Variants in CAST observed in about 807,000 individuals in gnomAD.
CAST encodes the protein MIR583 host.
CAST carries 76 observed loss-of-function variants against 119.6 expected under a neutral mutation model. That is an observed-to-expected ratio of 0.64 (90% CI 0.53 to 0.77). The LOEUF is 0.77. CAST is among the 30% of genes least tolerant of loss of function. The pLI is 0.00. For missense variants in CAST, 953 were observed against 946.5 expected (o/e 1.01, Z -0.09); for synonymous variants, 319 against 331.6 (o/e 0.96, Z 0.41).
chr5:96,236,095 A>ATCTGTCTG, the CAST span, among the ~76,000 whole-genome samples: 27 of 151,220 alleles, frequency 1.8e-4, no homozygotes, highest in African/African-American at 2.7e-4. Flanking sequence ...CTGTCTGTCT[A>ATCTGTCTG]TCTGTCTGTC....
intron 3 of CAST, among the ~76,000 whole-genome samples, chr5:96,712,015 C>T (rs761057625): frequency 1.3e-5 from 2 of 152,132 alleles, no homozygotes; most frequent in Non-Finnish European, 2.9e-5. Context: ...CACCCTTATC[C>T]TATAGGAAAT....
At chr5:96,563,439 G>A (rs1376160256) in intron 1 of CAST, among the ~76,000 whole-genome samples, 1 of 152,116 alleles carries the variant, frequency 6.6e-6, no homozygotes, top group Non-Finnish European at 1.5e-5. Flanking sequence ...AGTTTGCGTA[G>A]TATTCCACTA....
the CAST span, among the ~76,000 whole-genome samples, chr5:96,300,316 A>G: frequency 6.6e-6 from 1 of 152,076 alleles, no homozygotes; most frequent in Non-Finnish European, 1.5e-5. Flanking sequence ...CTTTTTTTAT[A>G]TGAATATCCA....
the CAST span, among the ~76,000 whole-genome samples, chr5:96,309,610 G>T: frequency 6.6e-6 from 1 of 152,222 alleles, no homozygotes; most frequent in Admixed American, 6.5e-5. Context: ...CTCCTGGTCT[G>T]CTGGTTAGGA....
At chr5:96,425,048 GAAAGAAAGAAAGAAAGAA>G in the CAST span, among the ~76,000 whole-genome samples, 7 of 123,866 alleles carry the variant, frequency 5.7e-5, no homozygotes, top group African/African-American at 2.0e-4. Context: ...AAGAAAGAAA[GAAAGAAAGAAAGAAAGAA>G]AGAAAGAAAA....
chr5:96,490,740 A>T, the CAST span, among the ~76,000 whole-genome samples: 1 of 152,126 alleles, frequency 6.6e-6, no homozygotes, highest in Non-Finnish European at 1.5e-5. Flanking sequence ...ACTACTAAAA[A>T]AATCAACTCC....
the CAST span, chr5:96,392,561 T>C: frequency 5.7e-6 from 1 of 174,418 alleles, no homozygotes; most frequent in Non-Finnish European, 1.2e-5. Context: ...GCATCAAAAT[T>C]TGAAGAACCA....
the CAST span, among the ~76,000 whole-genome samples, chr5:96,302,185 G>T: frequency 6.6e-6 from 1 of 152,174 alleles, no homozygotes; most frequent in Non-Finnish European, 1.5e-5. Context: ...GGCCTGAGAT[G>T]TATCTGGGGT....
the CAST span, among the ~76,000 whole-genome samples, chr5:96,279,739 T>A: frequency 6.6e-6 from 1 of 152,212 alleles, no homozygotes; most frequent in Non-Finnish European, 1.5e-5. Flanking sequence ...TAAAATATGC[T>A]TCTTGAGAAG....
At chr5:96,191,899 A>G in the CAST span, among the ~76,000 whole-genome samples, 1 of 152,350 alleles carries the variant, frequency 6.6e-6, no homozygotes, top group Non-Finnish European at 1.5e-5. Flanking sequence ...AAATAAAGAT[A>G]TTTTAAGAAG....
At chr5:96,248,692 A>T in the CAST span, among the ~76,000 whole-genome samples, 1 of 152,260 alleles carries the variant, frequency 6.6e-6, no homozygotes, top group Non-Finnish European at 1.5e-5. Context: ...TTAAATGCCA[A>T]TGAGACCATA....
the CAST span, among the ~76,000 whole-genome samples, chr5:96,508,009 A>G: frequency 2.0e-5 from 3 of 148,298 alleles, no homozygotes; most frequent in Non-Finnish European, 3.0e-5. Flanking sequence ...TATTATTATT[A>G]TTATTATTAT....
chr5:96,187,319 A>G, the CAST span, among the ~76,000 whole-genome samples: 2 of 151,520 alleles, frequency 1.3e-5, no homozygotes, highest in African/African-American at 4.8e-5. Context: ...TTGATTTTTG[A>G]AGGGTTTTTC....
the CAST span, among the ~76,000 whole-genome samples, chr5:96,277,242 T>G: frequency 1.2e-5 from 1 of 81,398 alleles, no homozygotes; most frequent in Non-Finnish European, 2.5e-5. Flanking sequence ...CATTTTTCAG[T>G]TTTTCTGGGG....
chr5:96,730,695 G>A lies in CAST; in HGVS notation c.550-85G>A, dbSNP rs2150448192. The A allele has an allele frequency of 7.2e-6, 7 of 971,800 alleles. No individual in the cohort carries two copies. In the Admixed American group the frequency reaches 1.0e-4, roughly 14 times the overall value. The allele number at this position is 971,800 out of a possible 1,614,324, so 60.2% of individuals were successfully genotyped here. Reference sequence around the variant, plus strand: ...TGTCCGTGAGGGTGAACTGGCAGATGTTAGTGACATTTGAAACTCATGATC... The same window carrying A: ...TGTCCGTGAGGGTGAACTGGCAGATATTAGTGACATTTGAAACTCATGATC... On this transcript the variant is annotated intron_variant, in intron 8 of 31. Coordinates refer to ENST00000675179, the MANE Select transcript of CAST (RefSeq NM_001750.7).
chr5:96,622,255 A>G (rs2150199665), intron 1 of CAST, among the ~76,000 whole-genome samples: 1 of 152,116 alleles, frequency 6.6e-6, no homozygotes, highest in African/African-American at 2.4e-5. Flanking sequence ...GGTGTGAGCC[A>G]TTGCACCTGG....
At chr5:96,667,014 A>G (rs990227086) in intron 1 of CAST, among the ~76,000 whole-genome samples, 2 of 152,170 alleles carry the variant, frequency 1.3e-5, no homozygotes, top group Admixed American at 1.3e-4. Flanking sequence ...TCCTTTCATG[A>G]AAACATACCC....
chr5:96,702,586 AC>A (rs1754052080), intron 3 of CAST, among the ~76,000 whole-genome samples: 1 of 152,158 alleles, frequency 6.6e-6, no homozygotes. Context: ...GGGAGCGGTA[AC>A]CTGTAATCAG....
the CAST span, among the ~76,000 whole-genome samples, chr5:96,434,484 GA>G: frequency 6.6e-6 from 1 of 152,206 alleles, no homozygotes; most frequent in Non-Finnish European, 1.5e-5. Context: ...CCGCAGGGGG[GA>G]GTGTGGTTAG....
Sources: allele counts gnomAD v4.1 joint callset (sites outside exome capture counted in the v4.1 genomes callset), GRCh38; gene constraint gnomAD v4.1.1; transcripts MANE v1.5; gene names NCBI Gene and HGNC (gene_info 2026-07-23, HGNC 2026-07-21).